Variants in DCAF5 observed in about 807,000 individuals in gnomAD.
DCAF5 encodes DDB1- and CUL4-associated factor 5.
DCAF5 carries 9 observed loss-of-function variants against 80.7 expected under a neutral mutation model. The ratio of observed to expected loss-of-function variants is 0.11; its 90% CI spans 0.07 to 0.19. The LOEUF (loss-of-function observed/expected upper bound fraction) is 0.19, where lower values mean the gene tolerates loss of function less well. DCAF5 is among the 10% of genes least tolerant of loss of function. DCAF5 has a pLI of 1.00. For missense variants in DCAF5, 842 were observed against 1,205.7 expected (o/e 0.70, Z 4.47); for synonymous variants, 433 against 461.9 (o/e 0.94, Z 0.80).
chr14:69,092,517 C>A (rs1415931745), intron 5 of DCAF5, among the ~76,000 whole-genome samples: 1 of 152,136 alleles, frequency 6.6e-6, no homozygotes, highest in Non-Finnish European at 1.5e-5. Flanking sequence ...GCTCAGGAGG[C>A]TGAGGAGGGA....
At chr14:69,091,238 G>A (rs2039522981) in intron 6 of DCAF5, 5 of 694,834 alleles carry the variant, frequency 7.2e-6, no homozygotes, top group Admixed American at 4.1e-5. Context: ...AGAAAAAGAT[G>A]GCATCCCAAG....
chr14:69,131,591 C>T (rs2041040414), intron 1 of DCAF5, among the ~76,000 whole-genome samples: 1 of 152,080 alleles, frequency 6.6e-6, no homozygotes, highest in Admixed American at 6.5e-5. Flanking sequence ...TTTTTCTAGA[C>T]ACGTATCAGA....
At chr14:69,080,906 A>T (rs1178464420) in intron 6 of DCAF5, among the ~76,000 whole-genome samples, 1 of 152,226 alleles carries the variant, frequency 6.6e-6, no homozygotes, top group East Asian at 1.9e-4. Flanking sequence ...GGGGACATGA[A>T]TATGAAAAAT....
intron 6 of DCAF5, among the ~76,000 whole-genome samples, chr14:69,083,219 A>G (rs566580755): frequency 4.1e-4 from 63 of 152,354 alleles, no homozygotes; most frequent in African/African-American, 1.5e-3. Flanking sequence ...ACACTTTATT[A>G]TTATATGGAA....
At chr14:69,097,659 C>T (rs987751879) in intron 5 of DCAF5, among the ~76,000 whole-genome samples, 11 of 150,304 alleles carry the variant, frequency 7.3e-5, no homozygotes, top group African/African-American at 2.4e-4. Flanking sequence ...CAATCTTGGC[C>T]CACTGCAAGT....
chr14:69,053,829 G>A lies in DCAF5; in HGVS notation c.*28C>T, dbSNP rs539412134. 3.3e-6 allele frequency: 5 copies of A among 1,517,470 alleles called. No homozygotes were observed. The highest frequency in any genetic ancestry group is 2.6e-5 in the South Asian group (2 of 77,536). The allele number at this position is 1,517,470 out of a possible 1,614,324, so 94.0% of individuals were successfully genotyped here. A position where few individuals can be genotyped will look rare whatever the true frequency, so the allele number is the denominator to read the frequency against. ...TTTTTTTTTTTGTAAGGCTACTTTT[G>A]TAGCTTTTTGTTTTCCCTTTGTATT... On this transcript the variant is annotated 3_prime_UTR_variant, in exon 9 of 9. Coordinates refer to ENST00000341516, the MANE Select transcript of DCAF5 (RefSeq NM_003861.3).
rs570003230 is a variant in DCAF5, at chr14:69,144,910, T to A, written c.214+7855A>T. On this transcript the variant is annotated intron_variant, in intron 1 of 8. Transcript: ENST00000341516. ...GCAAGTCACTTGTCTAGATCTCAGC[T>A]CCCTTTCCTGTAAAATGAAAATCCT... 2.9e-3 allele frequency among the ~76,000 whole-genome samples: 441 copies of A among 152,230 alleles called. 1 individual carries two copies. The highest frequency in any genetic ancestry group is 4.8e-3 in the Non-Finnish European group (324 of 68,006).
At chr14:69,071,617 GGAGA>G (rs1023112950) in intron 7 of DCAF5, among the ~76,000 whole-genome samples, 1 of 151,900 alleles carries the variant, frequency 6.6e-6, no homozygotes, top group African/African-American at 2.4e-5. Context: ...GGGGGAAGAG[GGAGA>G]GAGAGAGAAT....
intron 5 of DCAF5, among the ~76,000 whole-genome samples, chr14:69,094,945 T>C (rs1011138431): frequency 5.3e-5 from 8 of 152,204 alleles, no homozygotes; most frequent in Middle Eastern, 3.2e-3. Context: ...GATTCCATTT[T>C]GGAATTTGTG....
chr14:69,074,892 G>A lies in DCAF5; in HGVS notation c.946+453C>T, dbSNP rs1594950822. On this transcript the variant is annotated intron_variant, in intron 7 of 8. Transcript: ENST00000341516. ...CTACTAAAAATACAAAAAATTAGCC[G>A]GTGTGGTGGCGTGTGCCTGTAATCC... 4.6e-5 allele frequency among the ~76,000 whole-genome samples: 7 copies of A among 151,936 alleles called. No homozygotes were observed. The South Asian group carries it at 8.3e-4, about 18-fold the overall frequency.
chr14:69,141,021 C>T (rs568748251), intron 1 of DCAF5, among the ~76,000 whole-genome samples: 4 of 151,618 alleles, frequency 2.6e-5, no homozygotes, highest in East Asian at 1.9e-4. Context: ...CTAATCCCAA[C>T]GGGATTACAG....
At chr14:69,102,952 T>G (rs1013031435) in intron 5 of DCAF5, among the ~76,000 whole-genome samples, 2 of 152,204 alleles carry the variant, frequency 1.3e-5, no homozygotes, top group Non-Finnish European at 1.5e-5. Context: ...ACAGTATGTT[T>G]GTTTACACCA....
At chr14:69,144,105 C>T (rs1335598778) in intron 1 of DCAF5, among the ~76,000 whole-genome samples, 1 of 152,164 alleles carries the variant, frequency 6.6e-6, no homozygotes, top group Admixed American at 6.5e-5. Context: ...GCAAAACCTT[C>T]AAATCTCCTT....
intron 7 of DCAF5, among the ~76,000 whole-genome samples, chr14:69,068,942 T>G (rs1260810505): frequency 2.6e-5 from 4 of 152,202 alleles, no homozygotes; most frequent in African/African-American, 9.6e-5. Context: ...GGACAGCCAA[T>G]GCTGTCAGTA....
rs2037749771 is a variant in DCAF5, at chr14:69,051,216, TAA to T, written c.*2639_*2640del. On this transcript the variant is annotated 3_prime_UTR_variant, in exon 9 of 9. Coordinates refer to ENST00000341516, the MANE Select transcript of DCAF5 (RefSeq NM_003861.3). Reference sequence around the variant, plus strand: ...ATGTACAGAATGCAGGAAAAAAACATAAGAGGCACTTCCAAATAGTTCTTGAT... The same window carrying T: ...ATGTACAGAATGCAGGAAAAAAACATGAGGCACTTCCAAATAGTTCTTGAT... 6.6e-6 allele frequency: 1 copy of T among 152,628 alleles called. No homozygotes were observed. The highest frequency in any genetic ancestry group is 2.1e-4 in the South Asian group (1 of 4,834). 9.5% of individuals were successfully genotyped at this position (152,628 alleles called of 1,614,324 possible).
In DCAF5 at chr14:69,054,014, T is replaced by A. The variant is rs771227013; in HGVS notation, c.2672A>T (p.Glu891Val). ...CTCTCTTGTTCCAGCATTGGGGGTCTCACAGGCCATTTCAGACCCGCAACA... is the reference window on the plus strand; with the variant it reads ...CTCTCTTGTTCCAGCATTGGGGGTCACACAGGCCATTTCAGACCCGCAACA... ...KDCCGSEMACETPNAGTREDP... is the reference protein window; with the variant it reads ...KDCCGSEMACVTPNAGTREDP... The change falls in exon 9 of 9, where the codon GAG (glutamate) becomes GTG (valine). Residue 891 changes from glutamate (E) to valine (V), a missense_variant. Around this residue, in one of 5 missense-constraint regions of DCAF5, gnomAD observed 607 missense variants for 656.6 expected, o/e 0.92. Transcript: ENST00000341516. 1.9e-6 allele frequency: 3 copies of A among 1,612,446 alleles called. No individual in the cohort carries two copies. The highest frequency in any genetic ancestry group is 2.5e-6 in the Non-Finnish European group (3 of 1,178,754).
chr14:69,110,350 A>T (rs1374542501), intron 5 of DCAF5, among the ~76,000 whole-genome samples: 7 of 148,424 alleles, frequency 4.7e-5, no homozygotes, highest in African/African-American at 1.5e-4. Context: ...GCTCACTGCA[A>T]CCTCCACCTC....
intron 6 of DCAF5, among the ~76,000 whole-genome samples, chr14:69,081,192 G>A (rs2039089192): frequency 1.3e-5 from 2 of 152,290 alleles, no homozygotes; most frequent in Non-Finnish European, 1.5e-5. Flanking sequence ...ATTCTTTCTA[G>A]ATAAATACTT....
rs191190375 is a variant in DCAF5, at chr14:69,109,374, C to T, written c.665+6992G>A. Among the ~76,000 whole-genome samples, 30 of 151,290 alleles carry T rather than the reference C, an allele frequency of 2.0e-4. No individual in the cohort carries two copies. The East Asian group carries it at 4.3e-3, about 22-fold the overall frequency. On this transcript the variant is annotated intron_variant, in intron 5 of 8. Coordinates refer to ENST00000341516, the MANE Select transcript of DCAF5 (RefSeq NM_003861.3). ...AAAAAGATACAACATAATATGATAA[C>T]ATGCACTAATTCTAAGGGCATTGCT...
Sources: allele counts gnomAD v4.1 joint callset (sites outside exome capture counted in the v4.1 genomes callset), GRCh38; gene constraint gnomAD v4.1.1; regional missense constraint gnomAD v4.1.1; transcripts MANE v1.5; gene names NCBI Gene and HGNC (gene_info 2026-07-23, HGNC 2026-07-21).